The following SLC1A2 variants were observed in gnomAD, a reference collection of about 807,000 sequenced individuals.
SLC1A2 encodes the protein excitatory amino acid transporter 2.
In SLC1A2, 15 loss-of-function variants were observed where a neutral mutation model predicts 48.8. That is an observed-to-expected ratio of 0.31 (90% CI 0.21 to 0.47). The LOEUF is 0.47. Among genes scored for constraint, SLC1A2 ranks in the 20% least tolerant of loss-of-function variants. The pLI is 0.99. For synonymous variants in SLC1A2, 279 were observed against 272.6 expected, an observed-to-expected ratio of 1.02 and a Z score of -0.23; for missense variants, 502 against 730.5, an observed-to-expected ratio of 0.69 and a Z score of 3.61.
At chr11:35,274,913 T>C (rs1423387788) in intron 9 of SLC1A2, among the ~76,000 whole-genome samples, 1 of 152,158 alleles carries the variant, frequency 6.6e-6, no homozygotes, top group Admixed American at 6.5e-5. Flanking sequence ...GCATCAACTG[T>C]CAAGAGTTAA....
intron 9 of SLC1A2, among the ~76,000 whole-genome samples, chr11:35,269,015 C>T (rs755545011): frequency 5.9e-5 from 9 of 152,168 alleles, no homozygotes; most frequent in East Asian, 1.9e-4. Context: ...ATTCATATGA[C>T]GAAACCTAAT....
At chr11:35,360,132 G>C (rs147792136) in intron 1 of SLC1A2, 1 of 981,406 alleles carries the variant, frequency 1.0e-6, no homozygotes, top group African/African-American at 1.7e-5. Flanking sequence ...TACTATAGAG[G>C]AAAAGCTGTC....
intron 1 of SLC1A2, among the ~76,000 whole-genome samples, chr11:35,347,513 A>C (rs1028273918): frequency 5.9e-5 from 9 of 152,350 alleles, no homozygotes; most frequent in South Asian, 2.1e-4. Context: ...ATCTTCACTT[A>C]AATCCAGATT....
intron 1 of SLC1A2, among the ~76,000 whole-genome samples, chr11:35,338,363 C>T (rs867145439): frequency 2.0e-5 from 3 of 152,108 alleles, no homozygotes; most frequent in South Asian, 2.1e-4. Flanking sequence ...TCTATCCTCT[C>T]GACTTCTCAG....
At position 35,343,286 on chromosome 11, in the gene SLC1A2, C is replaced by T. The variant is rs551488387; in HGVS notation, c.18-25770G>A. On this transcript the variant is annotated intron_variant, in intron 1 of 10. Transcript: ENST00000278379. ...GGACCCAACATAGCACTGGATTTGACCTAGGTTTCACCTAGGACCTCATTA... is the reference window on the plus strand; with the variant it reads ...GGACCCAACATAGCACTGGATTTGATCTAGGTTTCACCTAGGACCTCATTA... Among the ~76,000 whole-genome samples the T allele has an allele frequency of 2.0e-5, 3 of 152,344 alleles. No homozygotes were observed. The South Asian group carries it at 6.2e-4, about 32-fold the overall frequency.
At chr11:35,297,128 CT>C (rs1272894742) in intron 6 of SLC1A2, among the ~76,000 whole-genome samples, 1 of 152,144 alleles carries the variant, frequency 6.6e-6, no homozygotes, top group African/African-American at 2.4e-5. Context: ...GGGCTCTTTG[CT>C]AAACCTTCCT....
At position 35,254,224 on chromosome 11, in the gene SLC1A2, A is replaced by G. The variant is rs986801623; in HGVS notation, c.*6670T>C. 1 of 152,642 alleles carries G rather than the reference A, an allele frequency of 6.6e-6. No homozygotes were observed. The highest frequency in any genetic ancestry group is 1.5e-5 in the Non-Finnish European group (1 of 68,040). The allele number at this position is 152,642 out of a possible 1,614,324, so 9.5% of individuals were successfully genotyped here. ...CAATATACAAAATCCTCAAAAAAGT[A>G]GTTTTTTTATATACAAATCTCTATA... On this transcript the variant is annotated 3_prime_UTR_variant, in exon 11 of 11. Coordinates refer to ENST00000278379, the MANE Select transcript of SLC1A2 (RefSeq NM_004171.4).
chr11:35,338,292 AC>A (rs1232607070), intron 1 of SLC1A2, among the ~76,000 whole-genome samples: 1 of 152,064 alleles, frequency 6.6e-6, no homozygotes, highest in African/African-American at 2.4e-5. Flanking sequence ...CTTCTTTTAG[AC>A]CCTACATAAC....
intron 1 of SLC1A2, among the ~76,000 whole-genome samples, chr11:35,342,972 A>T (rs1294689795): frequency 6.6e-6 from 1 of 152,208 alleles, no homozygotes; most frequent in East Asian, 1.9e-4. Context: ...TTCAACTACT[A>T]GGACATCTTT....
At chr11:35,285,842 A>G (rs1326741031) in intron 8 of SLC1A2, 1 of 152,224 alleles carries the variant, frequency 6.6e-6, no homozygotes, top group Admixed American at 6.5e-5. Context: ...AATTATGAAT[A>G]CCTTCCTTAT....
intron 1 of SLC1A2, among the ~76,000 whole-genome samples, chr11:35,319,399 T>C (rs1851988319): frequency 6.6e-6 from 1 of 152,084 alleles, no homozygotes; most frequent in Non-Finnish European, 1.5e-5. Context: ...AGAATGGAGG[T>C]AGTATGCGTT....
In SLC1A2 at chr11:35,287,657, C is replaced by G. The variant is rs544385372; in HGVS notation, c.1092-706G>C. ...ACTAAATATGAAGGGACTTCACCCC[C>G]ACTCCTCCCAGGCCTGGGATGTGGA... On this transcript the variant is annotated intron_variant, in intron 7 of 10. Transcript: ENST00000278379. 3.3e-5 allele frequency among the ~76,000 whole-genome samples: 5 copies of G among 152,314 alleles called. No homozygotes were observed. The South Asian group carries it at 8.3e-4, about 25-fold the overall frequency.
In SLC1A2 at chr11:35,398,321, C is replaced by A. The variant is rs60313681; in HGVS notation, c.17+20629G>T. On this transcript the variant is annotated intron_variant, in intron 1 of 10. Coordinates refer to ENST00000278379, the MANE Select transcript of SLC1A2 (RefSeq NM_004171.4). ...GTGGTACATATACACCACAGAATAC[C>A]ATGCAGCCATAAAAAGGAATGAAAT... is the stretch of plus-strand genomic sequence containing the variant. 1.6e-4 allele frequency among the ~76,000 whole-genome samples: 25 copies of A among 152,078 alleles called. No homozygotes were observed. The South Asian group carries it at 5.2e-3, about 32-fold the overall frequency.
intron 3 of SLC1A2, 54 bp from the exon 4 acceptor site, chr11:35,312,502 C>T: frequency 6.3e-7 from 1 of 1,583,476 alleles, no homozygotes; most frequent in East Asian, 2.2e-5. Flanking sequence ...GTGCTAATGA[C>T]CTGTGTCTAC....
At chr11:35,315,268 A>C in intron 2 of SLC1A2, 93 bp from the exon 3 acceptor site, 153 of 863,466 alleles carry the variant, frequency 1.8e-4, no homozygotes, top group Middle Eastern at 3.4e-4. Context: ...GACCTTTCTC[A>C]TGCTTCTGCA....
intron 1 of SLC1A2, among the ~76,000 whole-genome samples, chr11:35,397,162 G>A (rs1280175866): frequency 8.0e-5 from 12 of 149,730 alleles, no homozygotes; most frequent in African/African-American, 2.9e-4. Context: ...TTTCTTCACA[G>A]AATTGGAAAA....
At position 35,259,020 on chromosome 11, in the gene SLC1A2, A is replaced by ACTGC. The variant is rs1386662578; in HGVS notation, c.*1870_*1873dup. On this transcript the variant is annotated 3_prime_UTR_variant, in exon 11 of 11. Coordinates refer to ENST00000278379, the MANE Select transcript of SLC1A2 (RefSeq NM_004171.4). ...TCCCTTGACCACCCTGACCCTGTTT[A>ACTGC]CTGCCCATCTACTGGAAATAAAGAC... 1 of 152,334 alleles carries ACTGC rather than the reference A, an allele frequency of 6.6e-6. No homozygotes were observed. Among genetic ancestry groups the ACTGC allele is most frequent in the Non-Finnish European group, 1.5e-5 (1 of 68,020 alleles). 9.4% of individuals were successfully genotyped at this position (152,334 alleles called of 1,614,324 possible).
chr11:35,338,734 G>A (rs1852728028), intron 1 of SLC1A2, among the ~76,000 whole-genome samples: 1 of 152,134 alleles, frequency 6.6e-6, no homozygotes, highest in Admixed American at 6.5e-5. Context: ...AGACTCTTTG[G>A]TTAACAAGCT....
At chr11:35,391,569 A>G (rs189323228) in intron 1 of SLC1A2, 1 of 152,388 alleles carries the variant, frequency 6.6e-6, no homozygotes, top group Non-Finnish European at 1.5e-5. Context: ...CTACCACTGT[A>G]GCAGGGAGAA....
Sources: gnomAD v4.1 joint callset for allele counts (sites outside exome capture counted in the v4.1 genomes callset) on GRCh38, gnomAD v4.1.1 for gene constraint, MANE v1.5 for transcripts, NCBI Gene and HGNC (gene_info 2026-07-23, HGNC 2026-07-21) for gene names.